RAPGEF1: variants seen among roughly 807,000 people sequenced by gnomAD.
RAPGEF1 encodes the protein Rap guanine nucleotide exchange factor 1, also known as CRK SH3-binding GNRP.
A neutral mutation model predicts 143.3 loss-of-function variants in RAPGEF1; 33 were observed. That is an observed-to-expected ratio of 0.23 (90% CI 0.17 to 0.31). The LOEUF is 0.31. Among genes scored for constraint, RAPGEF1 ranks in the 10% least tolerant of loss-of-function variants. The pLI is 1.00. For missense variants in RAPGEF1, 1,199 were observed against 1,645.4 expected (o/e 0.73, Z 4.69); for synonymous variants, 629 against 676.5 (o/e 0.93, Z 1.09).
At chr9:131,606,485 C>T (rs1047580256) in intron 12 of RAPGEF1, among the ~76,000 whole-genome samples, 13 of 152,140 alleles carry the variant, frequency 8.5e-5, no homozygotes, top group African/African-American at 2.2e-4. Context: ...GAGGCAGGGA[C>T]GTGAGGAAAG....
At position 131,605,202 on chromosome 9, in the gene RAPGEF1, G is replaced by A. The variant is rs548355914; in HGVS notation, c.2062-14C>T. 3 of 1,295,914 alleles carry A rather than the reference G, an allele frequency of 2.3e-6. No homozygotes were observed. The highest frequency in any genetic ancestry group is 9.9e-5 in the East Asian group (2 of 20,234). The allele number at this position is 1,295,914 out of a possible 1,614,324, so 80.3% of individuals were successfully genotyped here. ...CACAGACTTATACTACAGAATCCAGGTGGAGAACAAACAAAAACGAGAATA... is the reference window on the plus strand; with the variant it reads ...CACAGACTTATACTACAGAATCCAGATGGAGAACAAACAAAAACGAGAATA... On this transcript the variant is annotated splice_polypyrimidine_tract_variant and intron_variant, in intron 12 of 26. Coordinates refer to ENST00000683357, the MANE Select transcript of RAPGEF1 (RefSeq NM_001377935.1).
At chr9:131,737,620 A>T in intron 1 of RAPGEF1, 2 of 1,450,092 alleles carry the variant, frequency 1.4e-6, no homozygotes, top group Non-Finnish European at 1.8e-6. Flanking sequence ...GAGTCATTTC[A>T]TTCCCAGCGG....
rs911133285 is a variant in RAPGEF1 at position 131,650,735 on chromosome 9, G to A, written c.201+75C>T. 1 of 1,559,990 alleles carries A rather than the reference G, an allele frequency of 6.4e-7. No individual in the cohort carries two copies. The highest frequency in any genetic ancestry group is 1.4e-5 in the African/African-American group (1 of 73,232). On this transcript the variant is annotated intron_variant, in intron 2 of 26. Transcript: ENST00000683357. The surrounding 1 kb of genome is among the most constrained non-coding windows in gnomAD (Gnocchi z 4.7). Reference sequence around the variant, plus strand: ...GCACTGAAAGCTCAATCCCCAGGGAGGGAACATACAAATCGCACAAACTCA... The same window carrying A: ...GCACTGAAAGCTCAATCCCCAGGGAAGGAACATACAAATCGCACAAACTCA...
intron 1 of RAPGEF1, among the ~76,000 whole-genome samples, chr9:131,730,022 G>A (rs1275989819): frequency 3.3e-5 from 5 of 151,452 alleles, no homozygotes; most frequent in South Asian, 4.2e-4. Flanking sequence ...GTGAAACCCC[G>A]TTTCTACTAA....
Position 131,577,106 on chromosome 9 carries a change from C to G in RAPGEF1, c.*2391G>C, listed in dbSNP as rs1951307360. On this transcript the variant is annotated 3_prime_UTR_variant, in exon 27 of 27. Coordinates refer to ENST00000683357, the MANE Select transcript of RAPGEF1 (RefSeq NM_001377935.1). ...CGGGCCCCCCAAAGGAACAGACGAG[C>G]CACGGCCAGGCCGCAGCACTGAGCA... 6.6e-6 allele frequency: 1 copy of G among 152,416 alleles called. No individual in the cohort carries two copies. The highest frequency in any genetic ancestry group is 2.4e-5 in the African/African-American group (1 of 41,466). The allele number at this position is 152,416 out of a possible 1,614,324, so 9.4% of individuals were successfully genotyped here.
intron 10 of RAPGEF1, 74 bp from the exon 11 acceptor site, chr9:131,622,072 C>A: frequency 7.1e-7 from 1 of 1,403,756 alleles, no homozygotes; most frequent in South Asian, 1.2e-5. Flanking sequence ...CCATTCTTCC[C>A]ACAGCAGCTA....
intron 1 of RAPGEF1, among the ~76,000 whole-genome samples, chr9:131,666,372 T>C (rs1210765944): frequency 6.6e-6 from 1 of 151,740 alleles, no homozygotes; most frequent in Non-Finnish European, 1.5e-5. Context: ...GAACCACATA[T>C]GTAATTAAAA....
At chr9:131,646,327 G>A (rs1376051623) in intron 3 of RAPGEF1, among the ~76,000 whole-genome samples, 1 of 152,186 alleles carries the variant, frequency 6.6e-6, no homozygotes, top group African/African-American at 2.4e-5. Flanking sequence ...GAGATAGAGA[G>A]GAGAATAAAG....
At position 131,628,903 on chromosome 9, in the gene RAPGEF1, C is replaced by T. The variant is rs181481729; in HGVS notation, c.893+199G>A. On this transcript the variant is annotated intron_variant, in intron 7 of 26. Coordinates refer to ENST00000683357, the MANE Select transcript of RAPGEF1 (RefSeq NM_001377935.1). The surrounding 1 kb of genome is among the most constrained non-coding windows in gnomAD (Gnocchi z 5.7). The stretch of plus-strand genomic sequence containing the variant: ...TCATAATAAATCATACCATGTCTCC[C>T]TGGGCTGAGGGCACAAGGAGGCCTT... Among the ~76,000 whole-genome samples the T allele has an allele frequency of 9.4e-4, 143 of 152,320 alleles. 1 individual carries two copies. Among genetic ancestry groups the T allele is most frequent in the African/African-American group, 2.9e-3 (122 of 41,570 alleles).
At chr9:131,694,329 AG>A (rs1833986460) in intron 1 of RAPGEF1, among the ~76,000 whole-genome samples, 1 of 152,166 alleles carries the variant, frequency 6.6e-6, no homozygotes, top group African/African-American at 2.4e-5. Flanking sequence ...TTCTCTCCCA[AG>A]CATCCAGAAA....
At chr9:131,613,200 C>G (rs1004691009) in intron 12 of RAPGEF1, among the ~76,000 whole-genome samples, 1 of 152,184 alleles carries the variant, frequency 6.6e-6, no homozygotes, top group Non-Finnish European at 1.5e-5. Flanking sequence ...GCCCAGGGCA[C>G]TGGGGCAGGG....
intron 12 of RAPGEF1, among the ~76,000 whole-genome samples, chr9:131,614,886 A>C (rs1958676398): frequency 6.6e-6 from 1 of 151,816 alleles, no homozygotes; most frequent in Non-Finnish European, 1.5e-5. Context: ...TTTCAATATA[A>C]CTTCTACTCA....
intron 1 of RAPGEF1, among the ~76,000 whole-genome samples, chr9:131,708,763 ACT>A (rs1491098065): frequency 6.7e-6 from 1 of 149,164 alleles, no homozygotes; most frequent in Non-Finnish European, 1.5e-5. Context: ...AGACAGTTTC[ACT>A]CTGTCACCCA....
At chr9:131,694,622 C>A (rs1449004275) in intron 1 of RAPGEF1, among the ~76,000 whole-genome samples, 1 of 151,776 alleles carries the variant, frequency 6.6e-6, no homozygotes, top group Non-Finnish European at 1.5e-5. Context: ...TGCCTGTGCC[C>A]CAGGTTTATC....
At position 131,619,076 on chromosome 9, in the gene RAPGEF1, C is replaced by A. The variant is rs766787831; in HGVS notation, c.2036G>T (p.Arg679Leu). ...CGAGGGCACGGGCAAGCTGCCGTGC[C>A]GGCTGAGAAAGGAGTTAGAGACGGA... ...SVSVSNSFLS[R>L]HGSLPVPSYK... The change falls in exon 12 of 27, where the codon CGG (arginine) becomes CTG (leucine). Residue 679 changes from arginine to leucine, a missense_variant. Transcript: ENST00000683357. The A allele has an allele frequency of 1.5e-6, 2 of 1,358,688 alleles. No individual in the cohort carries two copies. The highest frequency in any genetic ancestry group is 2.0e-6 in the Non-Finnish European group (2 of 1,018,800). 84.2% of individuals were successfully genotyped at this position (1,358,688 alleles called of 1,614,324 possible).
At chr9:131,588,144 G>T (rs1953507191) in intron 20 of RAPGEF1, 118 bp from the exon 21 acceptor site, 1 of 881,856 alleles carries the variant, frequency 1.1e-6, no homozygotes, top group African/African-American at 1.7e-5. Context: ...CAGGAGCGTG[G>T]AGGCTACAGG....
At chr9:131,677,637 G>A (rs1412962636) in intron 1 of RAPGEF1, among the ~76,000 whole-genome samples, 1 of 152,212 alleles carries the variant, frequency 6.6e-6, no homozygotes, top group African/African-American at 2.4e-5. Flanking sequence ...TCTACCCTAA[G>A]AGGAAAGACG....
At chr9:131,624,052 A>G (rs1962158398) in intron 10 of RAPGEF1, among the ~76,000 whole-genome samples, 1 of 152,092 alleles carries the variant, frequency 6.6e-6, no homozygotes, top group African/African-American at 2.4e-5. Context: ...ACAGGGGTCA[A>G]TACTGTAAAC....
chr9:131,604,885 G>GGTGTGGGT (rs1956853300), intron 13 of RAPGEF1, 46 bp downstream of exon 13: 1 of 1,191,410 alleles, frequency 8.4e-7, no homozygotes, highest in Admixed American at 2.6e-5. Flanking sequence ...CATGTGCAGG[G>GGTGTGGGT]GTGTGTGTGT....
Sources: allele counts gnomAD v4.1 joint callset (sites outside exome capture counted in the v4.1 genomes callset), GRCh38; gene constraint gnomAD v4.1.1; non-coding constraint Gnocchi (gnomAD v3.1); transcripts MANE v1.5; gene names NCBI Gene and HGNC (gene_info 2026-07-23, HGNC 2026-07-21).